The following SART1 variants were observed in gnomAD, a reference collection of about 807,000 sequenced individuals.
The protein encoded by SART1 is U4/U6.U5 tri-snRNP-associated protein 1.
A neutral mutation model predicts 105.0 loss-of-function variants in SART1; 28 were observed. That is an observed-to-expected ratio of 0.27 (90% CI 0.20 to 0.37). The LOEUF is 0.37. SART1 is among the 10% of genes least tolerant of loss of function. The pLI is 1.00. For synonymous variants in SART1, 472 were observed against 462.9 expected (o/e 1.02, Z -0.25); for missense variants, 894 against 1,106.5 (o/e 0.81, Z 2.72).
intron 17 of SART1, 56 bp downstream of exon 17, chr11:65,977,955 A>AGGGCCATGCAATGCCCC (rs557650553): frequency 1.9e-5 from 30 of 1,573,094 alleles, no homozygotes; most frequent in African/African-American, 1.3e-4. Flanking sequence ...GGCCAAGCCC[A>AGGGCCATGCAATGCCCC]GGGCCATGCA....
At chr11:65,970,463 C>T (rs984460062) in intron 12 of SART1, among the ~76,000 whole-genome samples, 1 of 152,118 alleles carries the variant, frequency 6.6e-6, no homozygotes, top group African/African-American at 2.4e-5. Context: ...AAAAAGATCT[C>T]GGCAGGCGGT....
rs111668992 is a variant in SART1, at chr11:65,967,948, TG to T, written c.1572+128del. 2.8e-3 allele frequency: 1,984 copies of T among 718,932 alleles called. 4 individuals are homozygous for T. The highest frequency in any genetic ancestry group is 5.2e-3 in the African/African-American group (220 of 42,250). The allele number at this position is 718,932 out of a possible 1,614,324, so 44.5% of individuals were successfully genotyped here. ...CCATTTGTTTTTTGTTTTCTGGGTT[TG>T]TTTTTTTTTTTTTTTTTTGAGACAG... is the stretch of plus-strand genomic sequence containing the variant. On this transcript the variant is annotated intron_variant, in intron 12 of 19. Coordinates refer to ENST00000312397, the MANE Select transcript of SART1 (RefSeq NM_005146.5).
chr11:65,979,003 TCTC>T lies in SART1; in HGVS notation c.2385-8_2385-6del, dbSNP rs1855538689. 6.2e-7 allele frequency: 1 copy of T among 1,614,044 alleles called. No individual in the cohort carries two copies. Among genetic ancestry groups the T allele is most frequent in the Non-Finnish European group, 8.5e-7 (1 of 1,179,996 alleles). ...CTCTGCAGCCTCACGCCCCTGTTCT[TCTC>T]TGCAGGAACACCATCACCAAGTGAC... On this transcript the variant is annotated splice_polypyrimidine_tract_variant and splice_region_variant and intron_variant, in intron 19 of 19. Coordinates refer to ENST00000312397, the MANE Select transcript of SART1 (RefSeq NM_005146.5).
chr11:65,963,093 C>T (rs1855178874), intron 1 of SART1, among the ~76,000 whole-genome samples: 1 of 151,758 alleles, frequency 6.6e-6, no homozygotes, highest in African/African-American at 2.4e-5. Context: ...TCTGGGTGGC[C>T]AGTGAAGCCC....
intron 12 of SART1, among the ~76,000 whole-genome samples, chr11:65,970,562 C>G (rs904141094): frequency 2.0e-5 from 3 of 151,970 alleles, no homozygotes; most frequent in Non-Finnish European, 4.4e-5. Context: ...GGGGAGGGCA[C>G]AGCAGCTGTG....
At chr11:65,969,623 C>T (rs973572277) in intron 12 of SART1, among the ~76,000 whole-genome samples, 1 of 152,130 alleles carries the variant, frequency 6.6e-6, no homozygotes, top group African/African-American at 2.4e-5. Flanking sequence ...GTGTGTTGCC[C>T]GGGCTGGTCT....
chr11:65,979,227 G>A lies in SART1; in HGVS notation c.*197G>A, dbSNP rs1397218311. 2.3e-5 allele frequency: 16 copies of A among 699,026 alleles called. No homozygotes were observed. Among genetic ancestry groups the A allele is most frequent in the Middle Eastern group, 3.7e-4 (1 of 2,676 alleles). 43.3% of individuals were successfully genotyped at this position (699,026 alleles called of 1,614,324 possible). ...AAACGATGGAAGAGAGAGCGAGCCC[G>A]GGTCCTCTAAGGCTCCTTCCTTCTC... On this transcript the variant is annotated 3_prime_UTR_variant, in exon 20 of 20. Coordinates refer to ENST00000312397, the MANE Select transcript of SART1 (RefSeq NM_005146.5).
rs1243564357 is a variant in SART1 at position 65,979,216 on chromosome 11, A to C, written c.*186A>C. On this transcript the variant is annotated 3_prime_UTR_variant, in exon 20 of 20. Coordinates refer to ENST00000312397, the MANE Select transcript of SART1 (RefSeq NM_005146.5). ...CACAAACAACTAAACGATGGAAGAG[A>C]GAGCGAGCCCGGGTCCTCTAAGGCT... The C allele has an allele frequency of 4.0e-6, 3 of 754,782 alleles. No homozygotes were observed. Among genetic ancestry groups the C allele is most frequent in the Non-Finnish European group, 6.6e-6 (3 of 455,838 alleles). 46.8% of individuals were successfully genotyped at this position (754,782 alleles called of 1,614,324 possible). A position where few individuals can be genotyped will look rare whatever the true frequency, so the allele number is the denominator to read the frequency against.
Position 65,965,976 on chromosome 11 carries a change from C to T in SART1, c.828C>T (p.Leu276=), listed in dbSNP as rs1375393428. The T allele has an allele frequency of 6.2e-7, 1 of 1,614,092 alleles. No homozygotes were observed. Among genetic ancestry groups the T allele is most frequent in the Admixed American group, 1.7e-5 (1 of 60,020 alleles). ...FREGETMILT[L]KDKGVLQEEE... ...AAGGGGAGACAATGATTCTTACCCT[C>T]AAGGACAAAGGTAATGCGAGCTGGG... Residue 276 remains leucine, a synonymous_variant, in exon 7 of 20, where the codon CTC becomes CTT. Transcript: ENST00000312397.
intron 12 of SART1, among the ~76,000 whole-genome samples, chr11:65,973,668 A>C (rs1855427294): frequency 6.6e-6 from 1 of 152,194 alleles, no homozygotes; most frequent in African/African-American, 2.4e-5. Flanking sequence ...GCACCAGGAG[A>C]CATTGTCAGT....
intron 12 of SART1, among the ~76,000 whole-genome samples, chr11:65,969,774 G>A (rs1355205447): frequency 6.6e-6 from 1 of 152,258 alleles, no homozygotes; most frequent in African/African-American, 2.4e-5. Flanking sequence ...CCAGGCTGGA[G>A]TGCAGTGGCG....
In SART1 at chr11:65,977,022, T is replaced by TTCC; in HGVS notation, c.1870_1872dup (p.Ser624dup). On this transcript the variant is annotated inframe_insertion, in exon 15 of 20. Transcript: ENST00000312397. ...CGCCACGTGTCCCGTAGTTCTCTGC[T>TTCC]TCCTCCACCACCATCCTGGACGAGG... 6.2e-7 allele frequency: 1 copy of TTCC among 1,613,790 alleles called. No homozygotes were observed. The highest frequency in any genetic ancestry group is 2.2e-5 in the East Asian group (1 of 44,878).
At position 65,968,449 on chromosome 11, in the gene SART1, G is replaced by C. The variant is rs558238982; in HGVS notation, c.1572+628G>C. Among the ~76,000 whole-genome samples the C allele has an allele frequency of 9.8e-5, 15 of 152,302 alleles. No homozygotes were observed. The South Asian group carries it at 2.9e-3, about 29-fold the overall frequency. ...ATGGAGCTGGCTTTCTAGAGTGTGT[G>C]GGGGAGAGCGTGGGGAGCAGCAGTG... On this transcript the variant is annotated intron_variant, in intron 12 of 19. Coordinates refer to ENST00000312397, the MANE Select transcript of SART1 (RefSeq NM_005146.5).
chr11:65,964,057 G>A lies in SART1; in HGVS notation c.314-17G>A. The stretch of plus-strand genomic sequence containing the variant: ...GCCCTGTGTTCAGCTCCTGAGCCAT[G>A]CTTCTTCTTGTTCCAGCTGCCAGCT... On this transcript the variant is annotated splice_polypyrimidine_tract_variant and intron_variant, in intron 1 of 19. Coordinates refer to ENST00000312397, the MANE Select transcript of SART1 (RefSeq NM_005146.5). 1 of 1,609,442 alleles carries A rather than the reference G, an allele frequency of 6.2e-7. No individual in the cohort carries two copies.
intron 12 of SART1, 60 bp downstream of exon 12, chr11:65,967,881 G>A (rs1428393135): frequency 7.3e-7 from 1 of 1,368,806 alleles, no homozygotes; most frequent in East Asian, 2.6e-5. Context: ...ACGAGCACCT[G>A]TGTCATAGGC....
At chr11:65,977,997 T>C in intron 17 of SART1, 98 bp downstream of exon 17, 1 of 1,335,056 alleles carries the variant, frequency 7.5e-7, no homozygotes, top group Non-Finnish European at 1.0e-6. Flanking sequence ...CCCAGGGTCC[T>C]GGCTCCACCA....
In SART1 at chr11:65,967,725, G is replaced by C; in HGVS notation, c.1476G>C (p.Glu492Asp). 6.4e-7 allele frequency: 1 copy of C among 1,557,074 alleles called. No homozygotes were observed. Among genetic ancestry groups the C allele is most frequent in the Non-Finnish European group, 8.7e-7 (1 of 1,150,536 alleles). Reference protein sequence around the residue: ...PPPGSPQVLEEDEAELELQKQ... With the variant: ...PPPGSPQVLEDDEAELELQKQ... ...CGGGGTCCCCGCAGGTGCTGGAGGA[G>C]GACGAGGCGGAGCTGGAGCTGCAGA... The change falls in exon 12 of 20, where the codon GAG (glutamate) becomes GAC (aspartate). Residue 492 changes from glutamate to aspartate, a missense_variant. Physicochemically the swap from Glu to Asp is conservative, Grantham distance 45. Coordinates refer to ENST00000312397, the MANE Select transcript of SART1 (RefSeq NM_005146.5).
intron 12 of SART1, 88 bp downstream of exon 12, chr11:65,967,909 C>T (rs1307971819): frequency 1.9e-6 from 2 of 1,030,774 alleles, no homozygotes; most frequent in Non-Finnish European, 1.3e-6. Context: ...ACATTCCTGT[C>T]TGAAGCCTCT....
At chr11:65,969,006 C>T (rs916059206) in intron 12 of SART1, among the ~76,000 whole-genome samples, 2 of 152,144 alleles carry the variant, frequency 1.3e-5, no homozygotes, top group Admixed American at 6.5e-5. Flanking sequence ...GCCAAGAAAG[C>T]GTGTCCAGGA....
Sources: gnomAD v4.1 joint callset for allele counts (sites outside exome capture counted in the v4.1 genomes callset) on GRCh38, gnomAD v4.1.1 for gene constraint, MANE v1.5 for transcripts, NCBI Gene and HGNC (gene_info 2026-07-23, HGNC 2026-07-21) for gene names.